The following FRAS1 variants were observed in gnomAD, a reference collection of about 807,000 sequenced individuals.
The protein encoded by FRAS1 is Fraser extracellular matrix complex subunit 1.
FRAS1 carries 290 observed loss-of-function variants against 435.2 expected under a neutral mutation model. The observed-to-expected ratio is 0.67, with a 90% CI of 0.61 to 0.73. The LOEUF is 0.73. Ranked by LOEUF, FRAS1 falls within the 30% of genes least tolerant of loss-of-function variation. The pLI, the probability that FRAS1 is intolerant of heterozygous loss-of-function variation, is 0.00. For synonymous variants in FRAS1, 1,800 were observed against 1,851.0 expected (o/e 0.97, Z 0.71); for missense variants, 4,860 against 5,001.5 (o/e 0.97, Z 0.85).
rs1453045028 is a variant in FRAS1, at chr4:78,066,011, T to C, written c.103T>C (p.Leu35=). The C allele has an allele frequency of 6.2e-6, 10 of 1,605,558 alleles. No individual in the cohort carries two copies. The highest frequency in any genetic ancestry group is 1.6e-4 in the Middle Eastern group (1 of 6,066). ...TGCTTGTGTCTATCAGGATTCCTTGTTGGCGGTAGGTCATTCTTTACATAC... is the reference window on the plus strand; with the variant it reads ...TGCTTGTGTCTATCAGGATTCCTTGCTGGCGGTAGGTCATTCTTTACATAC... The part of the protein sequence containing the change: ...EGACVYQDSL[L]ADATIWKPDS... The change falls in exon 2 of 74, where the codon TTG becomes CTG. Residue 35 remains leucine (L), a synonymous_variant. Transcript: ENST00000512123.
chr4:78,066,796 T>A (rs951212632), intron 2 of FRAS1, among the ~76,000 whole-genome samples: 9 of 152,248 alleles, frequency 5.9e-5, no homozygotes, highest in South Asian at 2.1e-4. Flanking sequence ...ATGTGTGATA[T>A]TGATAAGTCA....
chr4:78,360,528 A>G (rs371273), intron 20 of FRAS1, among the ~76,000 whole-genome samples: 97,991 of 151,994 alleles, frequency 0.64, 32,186 homozygotes, highest in Non-Finnish European at 0.67. Flanking sequence ...AGGTGTAGGC[A>G]TTAGCCATTT....
intron 50 of FRAS1, among the ~76,000 whole-genome samples, chr4:78,466,800 T>C (rs563332216): frequency 6.6e-6 from 1 of 152,334 alleles, no homozygotes; most frequent in Admixed American, 6.5e-5. Context: ...AATAATATTG[T>C]ATATCTCTAG....
chr4:78,270,604 G>A (rs1292056236), intron 9 of FRAS1, among the ~76,000 whole-genome samples: 1 of 144,292 alleles, frequency 6.9e-6, no homozygotes, highest in Non-Finnish European at 1.5e-5. Flanking sequence ...AGGTGATAGG[G>A]AGTCACTTTT....
At chr4:78,172,953 C>T (rs1023866226) in intron 2 of FRAS1, among the ~76,000 whole-genome samples, 2 of 151,566 alleles carry the variant, frequency 1.3e-5, no homozygotes, top group Non-Finnish European at 2.9e-5. Flanking sequence ...CCCTTGCGGT[C>T]TCTGTGTTGG....
chr4:78,134,267 T>C (rs16997130), intron 2 of FRAS1, among the ~76,000 whole-genome samples: 24,817 of 152,118 alleles, frequency 0.16, 2,217 homozygotes, highest in Admixed American at 0.2. Context: ...CATCTGACAC[T>C]TCTTCTGCAT....
chr4:78,218,098 T>TCTCACACACACACACACA lies in FRAS1; in HGVS notation c.109-19411_109-19410insTCACACACACACACACAC, dbSNP rs368430185. ...CCTTCTCTCTCTCTCTCACTCTCTCTCACACACACACACACACACACACAC... is the reference window on the plus strand; with the variant it reads ...CCTTCTCTCTCTCTCTCACTCTCTCTCTCACACACACACACACACACACACACACACACACACACACAC... On this transcript the variant is annotated intron_variant, in intron 2 of 73. Coordinates refer to ENST00000512123, the MANE Select transcript of FRAS1 (RefSeq NM_025074.7). 1.3e-4 allele frequency among the ~76,000 whole-genome samples: 5 copies of TCTCACACACACACACACA among 39,728 alleles called. 1 individual carries two copies. Among genetic ancestry groups the TCTCACACACACACACACA allele is most frequent in the Admixed American group, 4.0e-4 (1 of 2,486 alleles). 26.1% of individuals were successfully genotyped at this position (39,728 alleles called of 152,430 possible). A position where few individuals can be genotyped will look rare whatever the true frequency, so the allele number is the denominator to read the frequency against.
At position 78,202,723 on chromosome 4, in the gene FRAS1, C is replaced by T. The variant is rs184020386; in HGVS notation, c.109-34787C>T. On this transcript the variant is annotated intron_variant, in intron 2 of 73. Coordinates refer to ENST00000512123, the MANE Select transcript of FRAS1 (RefSeq NM_025074.7). ...AAAAAAAATCAGTTTTCTGGATCCA[C>T]CTCTGGGATTCTGTTTTAATTGGTC... Among the ~76,000 whole-genome samples, 188 of 152,242 alleles carry T rather than the reference C, an allele frequency of 1.2e-3. 1 individual carries two copies. The highest frequency in any genetic ancestry group is 4.2e-3 in the African/African-American group (174 of 41,552).
intron 58 of FRAS1, among the ~76,000 whole-genome samples, chr4:78,486,818 TTCTCTC>T (rs1395371876): frequency 7.3e-6 from 1 of 137,050 alleles, no homozygotes; most frequent in South Asian, 2.2e-4. Context: ...CCTTTTCTCT[TTCTCTC>T]TCTCTATTTT....
intron 20 of FRAS1, among the ~76,000 whole-genome samples, chr4:78,338,855 A>T (rs1433463425): frequency 6.6e-6 from 1 of 152,210 alleles, no homozygotes; most frequent in Non-Finnish European, 1.5e-5. Context: ...TGGTGGTGCC[A>T]TGGTCCAGGT....
intron 2 of FRAS1, among the ~76,000 whole-genome samples, chr4:78,086,337 T>C (rs1741164098): frequency 1.3e-5 from 2 of 152,186 alleles, no homozygotes; most frequent in East Asian, 1.9e-4. Flanking sequence ...AGATCCAAAA[T>C]TGACACTCTA....
At chr4:78,286,134 T>G in intron 13 of FRAS1, 1 of 544,748 alleles carries the variant, frequency 1.8e-6, no homozygotes, top group Admixed American at 2.3e-5. Context: ...TCTCCCTGAG[T>G]CTGTTCCTCA....
chr4:78,259,848 G>A (rs905320756), intron 6 of FRAS1, among the ~76,000 whole-genome samples: 37 of 151,906 alleles, frequency 2.4e-4, no homozygotes, highest in African/African-American at 6.0e-4. Flanking sequence ...TAGGTTGAAC[G>A]TTTAAGTCTT....
intron 13 of FRAS1, chr4:78,286,160 TTAA>T: frequency 1.6e-6 from 1 of 615,754 alleles, no homozygotes; most frequent in Non-Finnish European, 3.0e-6. Flanking sequence ...AAAGTTGGGA[TTAA>T]TAATATCTAC....
intron 41 of FRAS1, among the ~76,000 whole-genome samples, chr4:78,441,750 GT>G (rs1734668470): frequency 6.6e-6 from 1 of 151,986 alleles, no homozygotes; most frequent in Admixed American, 6.6e-5. Flanking sequence ...TCCTTTTATT[GT>G]GAGGCAGCTG....
chr4:78,432,379 T>C lies in FRAS1; in HGVS notation c.4992T>C (p.Asp1664=). Residue 1664 remains aspartate (D), a synonymous_variant, in exon 38 of 74, where the codon GAT becomes GAC. Coordinates refer to ENST00000512123, the MANE Select transcript of FRAS1 (RefSeq NM_025074.7). The part of the protein sequence containing the change: ...MATGDTFTYE[D]VEKNALQYIH... ...AAGGTGACACTTTCACCTATGAGGATGTTGAGAAAAATGCTCTACAGTATA... is the reference window on the plus strand; with the variant it reads ...AAGGTGACACTTTCACCTATGAGGACGTTGAGAAAAATGCTCTACAGTATA... 1.2e-6 allele frequency: 2 copies of C among 1,603,092 alleles called. No individual in the cohort carries two copies. Among genetic ancestry groups the C allele is most frequent in the Non-Finnish European group, 1.7e-6 (2 of 1,174,126 alleles).
intron 47 of FRAS1, among the ~76,000 whole-genome samples, chr4:78,454,127 T>G (rs780188371): frequency 6.6e-6 from 1 of 151,468 alleles, no homozygotes; most frequent in Admixed American, 6.6e-5. Context: ...AGATGACAGT[T>G]GAGCAGACAT....
In FRAS1 at chr4:78,497,305, A is replaced by G. The variant is rs561058323; in HGVS notation, c.9115+344A>G. 2.5e-3 allele frequency among the ~76,000 whole-genome samples: 387 copies of G among 152,274 alleles called. 2 individuals carry two copies. The highest frequency in any genetic ancestry group is 9.0e-3 in the African/African-American group (375 of 41,556). ...AATACAGTTGGAATCAGTGGAATCC[A>G]ATGAACTGGTTTAAAACACTGCCAC... On this transcript the variant is annotated intron_variant, in intron 60 of 73. Coordinates refer to ENST00000512123, the MANE Select transcript of FRAS1 (RefSeq NM_025074.7).
rs139315200 is a variant in FRAS1, at chr4:78,079,353, A to G, written c.108+13337A>G. Among the ~76,000 whole-genome samples, 4 of 152,282 alleles carry G rather than the reference A, an allele frequency of 2.6e-5. No individual in the cohort carries two copies. In the East Asian group the frequency reaches 7.7e-4, roughly 29 times the overall value. ...GGCTGAAGAAAACCAAGAATGGACC[A>G]GATAGATGGGGTGGAATCAAACCAC... On this transcript the variant is annotated intron_variant, in intron 2 of 73. Coordinates refer to ENST00000512123, the MANE Select transcript of FRAS1 (RefSeq NM_025074.7).
Sources: allele counts gnomAD v4.1 joint callset (sites outside exome capture counted in the v4.1 genomes callset), GRCh38; gene constraint gnomAD v4.1.1; transcripts MANE v1.5; gene names NCBI Gene and HGNC (gene_info 2026-07-23, HGNC 2026-07-21).